Variants in RIOX2 observed in about 807,000 individuals in gnomAD.
RIOX2 encodes the protein ribosomal oxygenase 2, also known as 60S ribosomal protein L27a histidine hydroxylase.
A neutral mutation model predicts 51.2 loss-of-function variants in RIOX2; 43 were observed. That is an observed-to-expected ratio of 0.84 (90% confidence interval 0.66 to 1.08). The LOEUF (loss-of-function observed/expected upper bound fraction) is 1.08, where lower values mean the gene tolerates loss of function less well. RIOX2 is among the 50% of genes least tolerant of loss of function. The pLI is 0.00. For missense variants in RIOX2, 566 were observed against 561.7 expected (o/e 1.01, Z -0.08); for synonymous variants, 226 against 218.5 (o/e 1.03, Z -0.30).
At chr3:97,967,668 C>G (rs1168906735) in intron 1 of RIOX2, 36 bp from the exon 2 acceptor site, 12 of 1,415,254 alleles carry the variant, frequency 8.5e-6, no homozygotes, top group Non-Finnish European at 1.1e-5. Context: ...GTTAGGTTTA[C>G]AAGGAGTGCC....
chr3:97,948,511 A>G (rs2040412118), intron 7 of RIOX2, among the ~76,000 whole-genome samples: 1 of 152,076 alleles, frequency 6.6e-6, no homozygotes, highest in Admixed American at 6.6e-5. Flanking sequence ...GTACATACTC[A>G]TGTCTGGACT....
At chr3:97,951,223 A>G in intron 5 of RIOX2, 1 of 229,808 alleles carries the variant, frequency 4.4e-6, no homozygotes. Context: ...TTTTAACAAA[A>G]GTGTCTATGA....
rs757655400 is a variant in RIOX2 at position 97,961,684 on chromosome 3, TCTC to T, written c.454_456del (p.Glu152del). The T allele has an allele frequency of 6.2e-7, 1 of 1,610,708 alleles. No individual in the cohort carries two copies. The highest frequency in any genetic ancestry group is 2.2e-5 in the East Asian group (1 of 44,660). On this transcript the variant is annotated inframe_deletion, in exon 3 of 10. Coordinates refer to ENST00000394198, the MANE Select transcript of RIOX2 (RefSeq NM_153182.4). ...AAGGAGCCAAAGTAACATTCCAGCT[TCTC>T]CTGGATCCTCCAAAGCTCATCCTTT...
In RIOX2 at chr3:97,945,236, T is replaced by G; in HGVS notation, c.1346A>C (p.Lys449Thr). The G allele has an allele frequency of 1.9e-6, 3 of 1,612,568 alleles. No individual in the cohort carries two copies. The South Asian group carries it at 3.3e-5, about 18-fold the overall frequency. The change falls in exon 10 of 10, where the codon AAG (lysine) becomes ACG (threonine). Residue 449 changes from lysine (K) to threonine (T), a missense_variant. Physicochemically the swap from Lys to Thr is moderately conservative, Grantham distance 78. Coordinates refer to ENST00000394198, the MANE Select transcript of RIOX2 (RefSeq NM_153182.4). ...CCAGAGGGATAATACCAGGCTTTCC[T>G]TTTCCTCATCTGTAGTAAGTTTCAG... Reference protein sequence around the residue: ...KDLKLTTDEEKESLVLSLWTE... With the variant: ...KDLKLTTDEETESLVLSLWTE...
At chr3:97,968,141 C>G (rs915792454) in intron 1 of RIOX2, among the ~76,000 whole-genome samples, 5 of 152,296 alleles carry the variant, frequency 3.3e-5, no homozygotes, top group Non-Finnish European at 7.4e-5. Context: ...AACTGTTGCG[C>G]AGGTCAATCA....
chr3:97,967,329 G>C lies in RIOX2; in HGVS notation c.265C>G (p.Leu89Val), dbSNP rs1288644936. The C allele has an allele frequency of 1.2e-6, 2 of 1,614,194 alleles. No homozygotes were observed. Among genetic ancestry groups the C allele is most frequent in the South Asian group, 1.1e-5 (1 of 91,076 alleles). Residue 89 changes from leucine to valine, a missense_variant, in exon 2 of 10, where the codon CTG becomes GTG. Leu to Val is a conservative substitution (Grantham distance 32, BLOSUM62 1). Coordinates refer to ENST00000394198, the MANE Select transcript of RIOX2 (RefSeq NM_153182.4). ...SLFKLTDLKS[L>V]CSRGMYYGRD... is the part of the protein sequence containing the mutation. ...CCATAGTACATCCCCCGGCTGCACA[G>C]ACTCTTCAGATCTGTTAGCTTGAAC...
At chr3:97,954,576 G>A (rs1705386509) in intron 4 of RIOX2, 81 bp from the exon 5 acceptor site, 2 of 1,161,272 alleles carry the variant, frequency 1.7e-6, no homozygotes, top group Non-Finnish European at 2.5e-6. Flanking sequence ...GATAAATATG[G>A]GCTTTGAGTC....
Position 97,972,378 on chromosome 3 carries a change from C to G in RIOX2, c.-40+3G>C, listed in dbSNP as rs1182450926. On this transcript the variant is annotated splice_donor_region_variant and intron_variant, in intron 1 of 9. Transcript: ENST00000394198. ...GGGATGCCCACGAGAGCGCCCCACT[C>G]ACCCGGCACGGCCTGTTGCTCGCGG... 6.6e-6 allele frequency: 1 copy of G among 151,720 alleles called. No homozygotes were observed. The highest frequency in any genetic ancestry group is 1.5e-5 in the Non-Finnish European group (1 of 67,902). The allele number at this position is 151,720 out of a possible 1,614,324, so 9.4% of individuals were successfully genotyped here. A position where few individuals can be genotyped will look rare whatever the true frequency, so the allele number is the denominator to read the frequency against.
In RIOX2 at chr3:97,961,648, TCGAGCCAACCAA is replaced by T; in HGVS notation, c.481_492del (p.Leu161_Ser164del). On this transcript the variant is annotated inframe_deletion, in exon 3 of 10. Transcript: ENST00000394198. ...GATCCTGCGGGAGTTATGTACACATTCGAGCCAACCAAGGAGCCAAAGTAACATTCCAGCTTC... is the reference window on the plus strand; with the variant it reads ...GATCCTGCGGGAGTTATGTACACATTGGAGCCAAAGTAACATTCCAGCTTC... 1 of 1,612,822 alleles carries T rather than the reference TCGAGCCAACCAA, an allele frequency of 6.2e-7. No individual in the cohort carries two copies. Among genetic ancestry groups the T allele is most frequent in the Non-Finnish European group, 8.5e-7 (1 of 1,179,690 alleles).
chr3:97,966,538 G>C (rs905848546), intron 2 of RIOX2, among the ~76,000 whole-genome samples: 2 of 152,156 alleles, frequency 1.3e-5, no homozygotes, highest in Non-Finnish European at 2.9e-5. Flanking sequence ...CCCTGATATA[G>C]AAAAAAATTT....
intron 4 of RIOX2, among the ~76,000 whole-genome samples, chr3:97,958,070 G>C (rs1386378122): frequency 6.6e-6 from 1 of 152,116 alleles, no homozygotes; most frequent in Non-Finnish European, 1.5e-5. Flanking sequence ...CTTTACTGTT[G>C]TTTATTGATT....
At chr3:97,964,206 T>C (rs1421183724) in intron 2 of RIOX2, among the ~76,000 whole-genome samples, 2 of 152,072 alleles carry the variant, frequency 1.3e-5, no homozygotes, top group Non-Finnish European at 2.9e-5. Context: ...CTCAACGCCA[T>C]GGCTAAAATA....
chr3:97,943,552 T>G lies in RIOX2; in HGVS notation c.*1632A>C, dbSNP rs949954024. On this transcript the variant is annotated 3_prime_UTR_variant, in exon 10 of 10. Transcript: ENST00000394198. ...ATTATGATATCTTGGAAAGGTTCTATTCCTGATCTCCAGCTGTGGTGAGCA... is the reference window on the plus strand; with the variant it reads ...ATTATGATATCTTGGAAAGGTTCTAGTCCTGATCTCCAGCTGTGGTGAGCA... 2.2e-6 allele frequency: 1 copy of G among 447,852 alleles called. No individual in the cohort carries two copies. The highest frequency in any genetic ancestry group is 2.1e-5 in the African/African-American group (1 of 47,654). 27.7% of individuals were successfully genotyped at this position (447,852 alleles called of 1,614,324 possible).
chr3:97,962,371 C>CAA lies in RIOX2; in HGVS notation c.433-664_433-663insTT, dbSNP rs1705716564. On this transcript the variant is annotated intron_variant, in intron 2 of 9. Transcript: ENST00000394198. ...GAATGCTAAGACCCCCCCCCCCCCCCCCACATGGAGATGTCTTTAAGTCGG... is the reference window on the plus strand; with the variant it reads ...GAATGCTAAGACCCCCCCCCCCCCCCAACCACATGGAGATGTCTTTAAGTCGG... Among the ~76,000 whole-genome samples the CAA allele has an allele frequency of 1.7e-5, 2 of 118,402 alleles. 1 individual carries two copies. Among genetic ancestry groups the CAA allele is most frequent in the African/African-American group, 7.3e-5 (2 of 27,338 alleles). The allele number at this position is 118,402 out of a possible 152,430, so 77.7% of individuals were successfully genotyped here.
Position 97,950,809 on chromosome 3 carries a change from C to T in RIOX2, c.865G>A (p.Gly289Ser), listed in dbSNP as rs758683491. The T allele has an allele frequency of 2.4e-5, 38 of 1,613,496 alleles. No homozygotes were observed. Among genetic ancestry groups the T allele is most frequent in the Middle Eastern group, 1.6e-4 (1 of 6,078 alleles). The change falls in exon 6 of 10, where the codon GGC becomes AGC. Residue 289 changes from glycine to serine, a missense_variant. Physicochemically the swap from Gly to Ser is moderately conservative, Grantham distance 56. Transcript: ENST00000394198. Reference sequence around the variant, plus strand: ...ACCAGGAGCAGCTGCCGGGGTATGCCGGTCCGTAACTCCACGTCTTCCTTT... The same window carrying T: ...ACCAGGAGCAGCTGCCGGGGTATGCTGGTCCGTAACTCCACGTCTTCCTTT... ...TAKEDVELRTGIPRQLLLQVE... is the reference protein window; with the variant it reads ...TAKEDVELRTSIPRQLLLQVE...
chr3:97,944,932 A>G lies in RIOX2; in HGVS notation c.*252T>C. ...GATACATTGGAATTGTGCCTTTTCT[A>G]CCACACTGGATTAAATAAACTTGTC... On this transcript the variant is annotated 3_prime_UTR_variant, in exon 10 of 10. Transcript: ENST00000394198. 1 of 282,646 alleles carries G rather than the reference A, an allele frequency of 3.5e-6. No individual in the cohort carries two copies. The highest frequency in any genetic ancestry group is 6.5e-6 in the Non-Finnish European group (1 of 153,022). The allele number at this position is 282,646 out of a possible 1,614,324, so 17.5% of individuals were successfully genotyped here.
At chr3:97,946,586 G>GTATATATATATATATATATATATATATA (rs4061087) in intron 8 of RIOX2, among the ~76,000 whole-genome samples, 21 of 127,596 alleles carry the variant, frequency 1.6e-4, no homozygotes, top group African/African-American at 6.3e-4. Flanking sequence ...TTTTGAGGAT[G>GTATATATATATATATATATATATATATA]TATATATATA....
chr3:97,955,767 C>T (rs984505375), intron 4 of RIOX2, among the ~76,000 whole-genome samples: 5 of 152,098 alleles, frequency 3.3e-5, no homozygotes, highest in South Asian at 2.1e-4. Flanking sequence ...TATGTCACTG[C>T]GCAAACATCA....
chr3:97,945,451 A>T (rs2040332379), intron 9 of RIOX2, 109 bp from the exon 10 acceptor site: 2 of 990,964 alleles, frequency 2.0e-6, no homozygotes, highest in Non-Finnish European at 1.5e-6. Context: ...GATACCCCTC[A>T]TGAGTATTTT....
Sources: gnomAD v4.1 joint callset for allele counts (sites outside exome capture counted in the v4.1 genomes callset) on GRCh38, gnomAD v4.1.1 for gene constraint, MANE v1.5 for transcripts, NCBI Gene and HGNC (gene_info 2026-07-23, HGNC 2026-07-21) for gene names.